The following PRR14L variants were observed in gnomAD, a reference collection of about 807,000 sequenced individuals.
PRR14L encodes the protein protein PRR14L.
A neutral mutation model predicts 155.0 loss-of-function variants in PRR14L; 80 were observed. That is an observed-to-expected ratio of 0.52 (90% CI 0.43 to 0.62). The LOEUF (loss-of-function observed/expected upper bound fraction) is 0.62, where lower values mean the gene tolerates loss of function less well. PRR14L is among the 20% of genes least tolerant of loss of function. The pLI is 0.00. For synonymous variants in PRR14L, 883 were observed against 916.0 expected (o/e 0.96, Z 0.65); for missense variants, 2,469 against 2,548.0 (o/e 0.97, Z 0.67).
In PRR14L at chr22:31,715,795, T is replaced by C. The variant is rs2074655225; in HGVS notation, c.2044A>G (p.Thr682Ala). Residue 682 changes from threonine to alanine, a missense_variant, in exon 4 of 9, where the codon ACA (threonine) becomes GCA (alanine). By Grantham distance (58) the Thr-to-Ala change is moderately conservative. Around this residue, in one of 2 missense-constraint regions of PRR14L, gnomAD observed 2,363 missense variants for 2,371.6 expected, o/e 1.00. Coordinates refer to ENST00000327423, the MANE Select transcript of PRR14L (RefSeq NM_173566.3). ...TGGCTCTGATGGGCATCTCTGCCTG[T>C]TGCTAAAGGCATCTCTTTGTTTAAA... ...LHLNKEMPLA[T>A]GRDAHQSHHP... 2 of 1,551,812 alleles carry C rather than the reference T, an allele frequency of 1.3e-6. No individual in the cohort carries two copies. Among genetic ancestry groups the C allele is most frequent in the South Asian group, 2.4e-5 (2 of 84,050 alleles).
At position 31,689,736 on chromosome 22, in the gene PRR14L, ATTTT is replaced by A. The variant is rs535689947; in HGVS notation, c.6108-1513_6108-1510del. 3.4e-3 allele frequency among the ~76,000 whole-genome samples: 509 copies of A among 151,686 alleles called. 3 individuals carry two copies. The highest frequency in any genetic ancestry group is 0.012 in the African/African-American group (485 of 41,346). On this transcript the variant is annotated intron_variant, in intron 7 of 8. Coordinates refer to ENST00000327423, the MANE Select transcript of PRR14L (RefSeq NM_173566.3). ...AGGTGTGTGCCACCACAGCCGGCTT[ATTTT>A]TTTATTTTATTTATTTATTTTTTGA...
At chr22:31,711,720 G>A (rs1396068194) in intron 4 of PRR14L, among the ~76,000 whole-genome samples, 2 of 143,086 alleles carry the variant, frequency 1.4e-5, no homozygotes, top group Admixed American at 7.6e-5. Flanking sequence ...GGAGGCGGAG[G>A]TTGCGGTAAG....
Position 31,712,068 on chromosome 22 carries a change from G to C in PRR14L, c.5756+15C>G. ...AAATATGGGACATTTGTAAAGAACA[G>C]GGGACAGATTTTACCTGCTTGTGGT... On this transcript the variant is annotated intron_variant, in intron 4 of 8. Transcript: ENST00000327423. 1 of 1,594,310 alleles carries C rather than the reference G, an allele frequency of 6.3e-7. No homozygotes were observed.
At chr22:31,705,348 C>A (rs757037506) in intron 4 of PRR14L, among the ~76,000 whole-genome samples, 1 of 152,072 alleles carries the variant, frequency 6.6e-6, no homozygotes, top group Non-Finnish European at 1.5e-5. Context: ...GTTTCTATAA[C>A]CTTATAAAAT....
At chr22:31,709,915 G>C (rs534329889) in intron 4 of PRR14L, among the ~76,000 whole-genome samples, 20 of 151,882 alleles carry the variant, frequency 1.3e-4, no homozygotes, top group Admixed American at 5.9e-4. Context: ...CTACAGGCAT[G>C]AGCCACCGTA....
intron 7 of PRR14L, among the ~76,000 whole-genome samples, chr22:31,692,025 T>C (rs1192350818): frequency 3.3e-5 from 5 of 151,912 alleles, no homozygotes; most frequent in African/African-American, 1.2e-4. Context: ...GCACCACCAC[T>C]CCTGGCTAAT....
At chr22:31,722,825 C>T (rs536819039) in intron 3 of PRR14L, among the ~76,000 whole-genome samples, 1 of 152,138 alleles carries the variant, frequency 6.6e-6, no homozygotes, top group Non-Finnish European at 1.5e-5. Context: ...AGCCACTGCG[C>T]CCAGCCGGCA....
intron 2 of PRR14L, among the ~76,000 whole-genome samples, chr22:31,728,369 T>A (rs145249530): frequency 6.6e-6 from 1 of 152,034 alleles, no homozygotes; most frequent in African/African-American, 2.4e-5. Context: ...TCCCAGCACT[T>A]TGGGAGGCCG....
intron 1 of PRR14L, among the ~76,000 whole-genome samples, chr22:31,746,646 T>A (rs2074839294): frequency 6.6e-6 from 1 of 152,210 alleles, no homozygotes; most frequent in Non-Finnish European, 1.5e-5. Flanking sequence ...TATTAGAATG[T>A]GTAGGGAATG....
intron 1 of PRR14L, among the ~76,000 whole-genome samples, chr22:31,743,886 C>T (rs975109677): frequency 1.1e-4 from 17 of 151,884 alleles, no homozygotes; most frequent in African/African-American, 4.1e-4. Flanking sequence ...ATGGCACCCC[C>T]AAAACTTACC....
At chr22:31,705,152 T>C (rs758237928) in intron 4 of PRR14L, among the ~76,000 whole-genome samples, 1 of 152,022 alleles carries the variant, frequency 6.6e-6, no homozygotes, top group Non-Finnish European at 1.5e-5. Context: ...TCTCAGCTAC[T>C]CAAGAGGCTG....
intron 7 of PRR14L, among the ~76,000 whole-genome samples, chr22:31,694,282 C>T (rs1320842773): frequency 6.6e-6 from 1 of 151,862 alleles, no homozygotes; most frequent in Admixed American, 6.6e-5. Context: ...GCCTGGCCAG[C>T]TGGTTTCAAA....
rs559312091 is a variant in PRR14L at position 31,746,580 on chromosome 22, G to A, written c.-52+3413C>T. Among the ~76,000 whole-genome samples, 17 of 152,252 alleles carry A rather than the reference G, an allele frequency of 1.1e-4. No homozygotes were observed. In the South Asian group the frequency reaches 2.3e-3, roughly 20 times the overall value. ...AAAAATAAACCATAGATTTATGAAC[G>A]ACTTTTGACAGCTGCTACTGGCTTG... On this transcript the variant is annotated intron_variant, in intron 1 of 8. Coordinates refer to ENST00000327423, the MANE Select transcript of PRR14L (RefSeq NM_173566.3).
In PRR14L at chr22:31,725,623, A is replaced by G. The variant is rs561663302; in HGVS notation, c.475-13T>C. 1 of 1,519,018 alleles carries G rather than the reference A, an allele frequency of 6.6e-7. No individual in the cohort carries two copies. The highest frequency in any genetic ancestry group is 1.4e-5 in the African/African-American group (1 of 72,508). The allele number at this position is 1,519,018 out of a possible 1,614,324, so 94.1% of individuals were successfully genotyped here. On this transcript the variant is annotated splice_polypyrimidine_tract_variant and intron_variant, in intron 2 of 8. Transcript: ENST00000327423. ...TCAGGAGATCCTCCTACAGTAAGAAAATCCAGTGGTCAAGGGGGATTCAGA... is the reference window on the plus strand; with the variant it reads ...TCAGGAGATCCTCCTACAGTAAGAAGATCCAGTGGTCAAGGGGGATTCAGA...
Position 31,704,743 on chromosome 22 carries a change from G to A in PRR14L, c.5757-17C>T. 1.2e-6 allele frequency: 2 copies of A among 1,609,534 alleles called. No homozygotes were observed. Among genetic ancestry groups the A allele is most frequent in the Non-Finnish European group, 8.5e-7 (1 of 1,175,948 alleles). ...ATGGTGTGGCTAAAGTAAAGCAAAAGTACAAAAGCAATAGGTAAGGGCAGT... is the reference window on the plus strand; with the variant it reads ...ATGGTGTGGCTAAAGTAAAGCAAAAATACAAAAGCAATAGGTAAGGGCAGT... On this transcript the variant is annotated splice_polypyrimidine_tract_variant and intron_variant, in intron 4 of 8. Transcript: ENST00000327423.
rs2074865048 is a variant in PRR14L, at chr22:31,750,032, T to TCAGCCCCTGCAGCTG, written c.-106_-92dup. 6.5e-6 allele frequency: 1 copy of TCAGCCCCTGCAGCTG among 153,240 alleles called. No individual in the cohort carries two copies. The highest frequency in any genetic ancestry group is 2.4e-5 in the African/African-American group (1 of 41,462). 9.5% of individuals were successfully genotyped at this position (153,240 alleles called of 1,614,324 possible). On this transcript the variant is annotated 5_prime_UTR_variant, in exon 1 of 9. Coordinates refer to ENST00000327423, the MANE Select transcript of PRR14L (RefSeq NM_173566.3). ...CGCGGCCCGCGCTTGCCCAGCCAGC[T>TCAGCCCCTGCAGCTG]CAGCCCCTGCAGCTGCAGCCCCGTC...
rs1434736215 is a variant in PRR14L, at chr22:31,713,970, T to C, written c.3869A>G (p.Asp1290Gly). The C allele has an allele frequency of 6.4e-7, 1 of 1,551,746 alleles. No individual in the cohort carries two copies. Among genetic ancestry groups the C allele is most frequent in the Admixed American group, 2.0e-5 (1 of 51,012 alleles). ...GTCTCTGTCACTAGAATTACTCCAA[T>C]CTCTTGATACTATTTCCTTCATCTC... is the stretch of plus-strand genomic sequence containing the variant. The part of the protein sequence containing the change: ...LPEMKEIVSR[D>G]WSNSSDRDSV... Residue 1290 changes from aspartate (D) to glycine (G), a missense_variant, in exon 4 of 9, where the codon GAT becomes GGT. Asp to Gly is a moderately conservative substitution (Grantham distance 94). This residue lies in a region of PRR14L where 2,363 missense variants were observed against 2,371.6 expected (regional missense o/e 1.00). Transcript: ENST00000327423.
intron 7 of PRR14L, among the ~76,000 whole-genome samples, chr22:31,698,342 T>A (rs1037839984): frequency 1.3e-5 from 2 of 151,978 alleles, no homozygotes; most frequent in African/African-American, 4.8e-5. Context: ...ATAACTTCTA[T>A]CCCCATTAAC....
intron 6 of PRR14L, among the ~76,000 whole-genome samples, chr22:31,703,142 C>T (rs570956099): frequency 6.6e-6 from 1 of 152,282 alleles, no homozygotes; most frequent in African/African-American, 2.4e-5. Context: ...CAACTACTCC[C>T]TTCATATCAT....
Sources: gnomAD v4.1 joint callset for allele counts (sites outside exome capture counted in the v4.1 genomes callset) on GRCh38, gnomAD v4.1.1 for gene constraint, gnomAD v4.1.1 regional missense constraint, MANE v1.5 for transcripts, NCBI Gene and HGNC (gene_info 2026-07-23, HGNC 2026-07-21) for gene names.